The following CNGB3 variants were observed in gnomAD, a reference collection of about 807,000 sequenced individuals.
The protein encoded by CNGB3 is cyclic nucleotide gated channel subunit beta 3.
A neutral mutation model predicts 92.8 loss-of-function variants in CNGB3; 86 were observed. That is an observed-to-expected ratio of 0.93 (90% CI 0.78 to 1.11). The LOEUF (loss-of-function observed/expected upper bound fraction) is 1.11. Ranked by LOEUF, CNGB3 falls within the 50% of genes least tolerant of loss-of-function variation. The pLI, the probability that CNGB3 is intolerant of heterozygous loss-of-function variation, is 0.00. For missense variants in CNGB3, 1,026 were observed against 956.8 expected, an observed-to-expected ratio of 1.07 and a Z score of -0.95; for synonymous variants, 333 against 332.7, an observed-to-expected ratio of 1.00 and a Z score of -0.01.
intron 15 of CNGB3, among the ~76,000 whole-genome samples, chr8:86,591,111 C>A (rs1444606044): frequency 6.6e-6 from 1 of 151,692 alleles, no homozygotes; most frequent in East Asian, 1.9e-4. Flanking sequence ...TGCTGATACC[C>A]TTTCTTCCAG....
intron 15 of CNGB3, among the ~76,000 whole-genome samples, chr8:86,581,253 C>G (rs1821759326): frequency 6.6e-6 from 1 of 152,186 alleles, no homozygotes; most frequent in African/African-American, 2.4e-5. Flanking sequence ...CTGCTTACTG[C>G]AGCAGAAGCC....
chr8:86,666,333 C>G (rs1823738554), intron 6 of CNGB3, among the ~76,000 whole-genome samples: 2 of 152,154 alleles, frequency 1.3e-5, no homozygotes, highest in African/African-American at 4.8e-5. Context: ...TCAGACTTGG[C>G]ACTCTCTTTG....
Position 86,667,085 on chromosome 8 carries a change from C to T in CNGB3, c.692G>A (p.Trp231Ter). 1 of 1,613,934 alleles carries T rather than the reference C, an allele frequency of 6.2e-7. No individual in the cohort carries two copies. The highest frequency in any genetic ancestry group is 8.5e-7 in the Non-Finnish European group (1 of 1,179,924). ...GCGCAGTGGTATAAAACAGCAGTTC[C>T]AGTTATAGGCAAGAGTGACAAGCAA... ...WLLLVTLAYNWNCCFIPLRLV... is the reference protein window; with the variant it reads ...WLLLVTLAYN Residue 231 changes from tryptophan (W) to a stop codon, truncating the protein, a stop_gained, in exon 6 of 18, where the codon TGG becomes TAG. Coordinates refer to ENST00000320005, the MANE Select transcript of CNGB3 (RefSeq NM_019098.5). LOFTEE classifies it high-confidence loss of function.
chr8:86,634,790 AGGGTG>A (rs1168276643), intron 10 of CNGB3, among the ~76,000 whole-genome samples: 2 of 151,640 alleles, frequency 1.3e-5, no homozygotes, highest in African/African-American at 4.8e-5. Context: ...GCTTTGAACA[AGGGTG>A]GTCTTTTCTT....
At chr8:86,685,113 T>C (rs535407218) in intron 3 of CNGB3, among the ~76,000 whole-genome samples, 1 of 152,254 alleles carries the variant, frequency 6.6e-6, no homozygotes, top group African/African-American at 2.4e-5. Flanking sequence ...GATGTTACAA[T>C]TGGGGAAACT....
intron 3 of CNGB3, among the ~76,000 whole-genome samples, chr8:86,683,644 A>C (rs1473408562): frequency 6.6e-6 from 1 of 152,160 alleles, no homozygotes; most frequent in Admixed American, 6.6e-5. Flanking sequence ...TTGATTGGTT[A>C]TCTACTGCTA....
intron 3 of CNGB3, among the ~76,000 whole-genome samples, chr8:86,698,360 A>G (rs1824489367): frequency 6.6e-6 from 1 of 152,232 alleles, no homozygotes; most frequent in African/African-American, 2.4e-5. Flanking sequence ...TTTATAGTCT[A>G]GGTTAGCTAA....
At chr8:86,625,640 T>C (rs1822831403) in intron 13 of CNGB3, among the ~76,000 whole-genome samples, 1 of 152,124 alleles carries the variant, frequency 6.6e-6, no homozygotes, top group Non-Finnish European at 1.5e-5. Flanking sequence ...GGAGCCTGAT[T>C]TGTTGTGAAT....
chr8:86,737,279 G>A (rs1486528846), intron 2 of CNGB3, among the ~76,000 whole-genome samples: 2 of 152,050 alleles, frequency 1.3e-5, no homozygotes, highest in Non-Finnish European at 2.9e-5. Flanking sequence ...AGAGTAGATT[G>A]TAAAAAGTAT....
Position 86,668,126 on chromosome 8 carries a change from T to C in CNGB3, c.536A>G (p.Lys179Arg). The change falls in exon 5 of 18, where the codon AAG becomes AGG. Residue 179 changes from lysine to arginine, a missense_variant. Physicochemically the swap from Lys to Arg is conservative, Grantham distance 26. Transcript: ENST00000320005. ...CAGCCTGTAGTAATGTTCTGTTGGC[T>C]TATCATCGCTTTCTTTTACTGGTGG... is the stretch of plus-strand genomic sequence containing the variant. ...AVPPVKESDD[K>R]PTEHYYRLLW... 2 of 1,614,140 alleles carry C rather than the reference T, an allele frequency of 1.2e-6. No individual in the cohort carries two copies. Among genetic ancestry groups the C allele is most frequent in the Non-Finnish European group, 1.7e-6 (2 of 1,180,002 alleles).
Position 86,652,844 on chromosome 8 carries a change from G to A in CNGB3, c.903+1168C>T, listed in dbSNP as rs548995024. Among the ~76,000 whole-genome samples, 33 of 152,158 alleles carry A rather than the reference G, an allele frequency of 2.2e-4. No individual in the cohort carries two copies. The South Asian group carries it at 3.3e-3, about 15-fold the overall frequency. ...AAAAAAATTCATAGGAGTACATTCCGAAATAACAATAAAGAGTACAGGATA... is the reference window on the plus strand; with the variant it reads ...AAAAAAATTCATAGGAGTACATTCCAAAATAACAATAAAGAGTACAGGATA... On this transcript the variant is annotated intron_variant, in intron 7 of 17. Transcript: ENST00000320005.
intron 10 of CNGB3, among the ~76,000 whole-genome samples, chr8:86,639,403 T>TA (rs1008646819): frequency 6.6e-6 from 1 of 152,086 alleles, no homozygotes; most frequent in Non-Finnish European, 1.5e-5. Context: ...TCAATATAAA[T>TA]AAAAATGCCT....
chr8:86,673,761 A>G (rs1274254891), intron 3 of CNGB3, among the ~76,000 whole-genome samples: 2 of 145,854 alleles, frequency 1.4e-5, no homozygotes, highest in Non-Finnish European at 3.0e-5. Context: ...TTCAGGAAGC[A>G]GATGTTTGTA....
intron 3 of CNGB3, among the ~76,000 whole-genome samples, chr8:86,675,243 T>C (rs941033327): frequency 3.3e-5 from 5 of 152,102 alleles, no homozygotes; most frequent in Non-Finnish European, 7.4e-5. Flanking sequence ...ATTTCTTTTG[T>C]GTGTGAGTCT....
At chr8:86,636,620 G>C (rs916144040) in intron 10 of CNGB3, among the ~76,000 whole-genome samples, 8 of 110,556 alleles carry the variant, frequency 7.2e-5, no homozygotes, top group Non-Finnish European at 1.3e-4. Flanking sequence ...TGTTAAGTAA[G>C]ACCATTTGGT....
intron 6 of CNGB3, chr8:86,659,516 C>T: frequency 1.6e-6 from 1 of 607,042 alleles, no homozygotes. Context: ...TCATATAACT[C>T]CAGCCTGAGG....
Position 86,661,813 on chromosome 8 carries a change from G to A in CNGB3, c.852+5112C>T, listed in dbSNP as rs1823644987. 5 of 1,557,216 alleles carry A rather than the reference G, an allele frequency of 3.2e-6. No individual in the cohort carries two copies. The South Asian group carries it at 3.4e-5, about 11-fold the overall frequency. Reference sequence around the variant, plus strand: ...CATATCAACCACTTCAATTGCTGACGAAGGTAATTGTTGTTCTCAGTATCT... The same window carrying A: ...CATATCAACCACTTCAATTGCTGACAAAGGTAATTGTTGTTCTCAGTATCT... On this transcript the variant is annotated intron_variant, in intron 6 of 17. Transcript: ENST00000320005.
chr8:86,691,240 C>A (rs1824305645), intron 3 of CNGB3, among the ~76,000 whole-genome samples: 1 of 152,126 alleles, frequency 6.6e-6, no homozygotes, highest in African/African-American at 2.4e-5. Context: ...TGAAACTTTA[C>A]TGAATTCATT....
chr8:86,739,063 T>C (rs997891999), intron 2 of CNGB3, among the ~76,000 whole-genome samples: 11 of 152,178 alleles, frequency 7.2e-5, no homozygotes, highest in African/African-American at 2.4e-4. Flanking sequence ...GCTTTCTTTG[T>C]AATGCAGTAG....
Sources: allele counts gnomAD v4.1 joint callset (sites outside exome capture counted in the v4.1 genomes callset), GRCh38; gene constraint gnomAD v4.1.1; transcripts MANE v1.5; gene names NCBI Gene and HGNC (gene_info 2026-07-23, HGNC 2026-07-21).